The following SYCP2 variants were observed in gnomAD, a reference collection of about 807,000 sequenced individuals.
SYCP2 encodes the protein synaptonemal complex lateral element protein.
A neutral mutation model predicts 211.3 loss-of-function variants in SYCP2; 55 were observed. The observed-to-expected ratio is 0.26, with a 90% CI of 0.21 to 0.33. SYCP2 has a LOEUF of 0.33. Ranked by LOEUF, SYCP2 falls within the 10% of genes least tolerant of loss-of-function variation. The pLI is 1.00. For synonymous variants in SYCP2, 570 were observed against 555.2 expected, an observed-to-expected ratio of 1.03 and a Z score of -0.37; for missense variants, 1,731 against 1,752.0, an observed-to-expected ratio of 0.99 and a Z score of 0.21.
Position 59,875,356 on chromosome 20 carries a change from T to C in SYCP2, c.3264A>G (p.Leu1088=). The C allele has an allele frequency of 1.2e-6, 2 of 1,611,910 alleles. No individual in the cohort carries two copies. The highest frequency in any genetic ancestry group is 1.7e-6 in the Non-Finnish European group (2 of 1,178,528). ...ELSKQWKNSS[L]LKDAIRDNCL... Reference sequence around the variant, plus strand: ...AATTATCTCGTATAGCATCTTTTAGTAGAGATGAGTTTTTCCATTGTTTTG... The same window carrying C: ...AATTATCTCGTATAGCATCTTTTAGCAGAGATGAGTTTTTCCATTGTTTTG... Residue 1088 remains leucine (L), a synonymous_variant, in exon 34 of 45, where the codon CTA becomes CTG. Coordinates refer to ENST00000357552, the MANE Select transcript of SYCP2 (RefSeq NM_014258.4).
At position 59,864,345 on chromosome 20, in the gene SYCP2, A is replaced by G. The variant is rs748320296; in HGVS notation, c.4559T>C (p.Val1520Ala). The change falls in exon 45 of 45, where the codon GTA (valine) becomes GCA (alanine). Residue 1520 changes from valine (V) to alanine (A), a missense_variant. Val to Ala is a moderately conservative substitution (Grantham distance 64). Around this residue, in one of 3 missense-constraint regions of SYCP2, gnomAD observed 1,387 missense variants for 1,351.3 expected, o/e 1.03. Coordinates refer to ENST00000357552, the MANE Select transcript of SYCP2 (RefSeq NM_014258.4). ...LLNVRRELMS[V>A]FMSHERNANV ...AGCATTTCTTTCATGAGACATGAAT[A>G]CTGACATCAGTTCTCTGCGTACATT... The G allele has an allele frequency of 6.2e-7, 1 of 1,606,958 alleles. No homozygotes were observed. Among genetic ancestry groups the G allele is most frequent in the Non-Finnish European group, 8.5e-7 (1 of 1,176,692 alleles).
intron 41 of SYCP2, among the ~76,000 whole-genome samples, 176 bp from the exon 42 acceptor site, chr20:59,866,041 T>C (rs6070979): frequency 0.052 from 7,670 of 146,626 alleles, 290 homozygotes; most frequent in African/African-American, 0.12. Flanking sequence ...AGATGTCATA[T>C]GCTCTTTCAA....
At chr20:59,929,231 C>A (rs2060688815) in intron 2 of SYCP2, among the ~76,000 whole-genome samples, 1 of 152,052 alleles carries the variant, frequency 6.6e-6, no homozygotes, top group South Asian at 2.1e-4. Flanking sequence ...ACCATATTGG[C>A]AAAAACTAAA....
intron 2 of SYCP2, among the ~76,000 whole-genome samples, chr20:59,922,955 A>C (rs184388113): frequency 1.2e-4 from 18 of 152,072 alleles, no homozygotes; most frequent in Admixed American, 1.1e-3. Flanking sequence ...TCATATGTCC[A>C]CAAGAGTGTT....
In SYCP2 at chr20:59,866,276, T is replaced by A. The variant is rs768298527; in HGVS notation, c.4320+17A>T. The A allele has an allele frequency of 3.9e-5, 60 of 1,531,578 alleles. No individual in the cohort carries two copies. Among genetic ancestry groups the A allele is most frequent in the Middle Eastern group, 2.3e-4 (1 of 4,388 alleles). 94.9% of individuals were successfully genotyped at this position (1,531,578 alleles called of 1,614,324 possible). On this transcript the variant is annotated intron_variant, in intron 41 of 44. Coordinates refer to ENST00000357552, the MANE Select transcript of SYCP2 (RefSeq NM_014258.4). ...TAAGGTTTTAAACTTATTTAAAAAATTTTTAAAGTAACAAACCACAAATTC... is the reference window on the plus strand; with the variant it reads ...TAAGGTTTTAAACTTATTTAAAAAAATTTTAAAGTAACAAACCACAAATTC...
rs780036034 is a variant in SYCP2, at chr20:59,868,464, G to C, written c.3937C>G (p.Leu1313Val). The C allele has an allele frequency of 6.2e-7, 1 of 1,611,302 alleles. No individual in the cohort carries two copies. Among genetic ancestry groups the C allele is most frequent in the East Asian group, 2.2e-5 (1 of 44,736 alleles). Residue 1313 changes from leucine to valine, a missense_variant, in exon 38 of 45, where the codon CTT becomes GTT. Leu to Val is a conservative substitution (Grantham distance 32). Transcript: ENST00000357552. The stretch of plus-strand genomic sequence containing the variant: ...TCAATTTTACACAGTTTTTTGGGAA[G>C]CAAGTTTGCTCTCCTTTCTCCTTTC... ...EEKGERRANL[L>V]PKKLCKIEDA...
chr20:59,873,181 T>C (rs1211484154), intron 35 of SYCP2, among the ~76,000 whole-genome samples: 2 of 152,154 alleles, frequency 1.3e-5, no homozygotes, highest in East Asian at 3.9e-4. Flanking sequence ...CCACATACCT[T>C]ATTTTTGGTT....
chr20:59,901,644 T>C lies in SYCP2; in HGVS notation c.1182+18A>G. On this transcript the variant is annotated intron_variant, in intron 16 of 44. Coordinates refer to ENST00000357552, the MANE Select transcript of SYCP2 (RefSeq NM_014258.4). ...GAATTATGAAAATAGTAAATATTTATTAAGTTTAAAGACTTACCCTATGTT... is the reference window on the plus strand; with the variant it reads ...GAATTATGAAAATAGTAAATATTTACTAAGTTTAAAGACTTACCCTATGTT... The C allele has an allele frequency of 7.4e-7, 1 of 1,356,726 alleles. No individual in the cohort carries two copies. Among genetic ancestry groups the C allele is most frequent in the South Asian group, 1.4e-5 (1 of 71,532 alleles). The allele number at this position is 1,356,726 out of a possible 1,614,324, so 84.0% of individuals were successfully genotyped here.
At chr20:59,897,624 A>T (rs2060034535) in intron 18 of SYCP2, among the ~76,000 whole-genome samples, 1 of 152,174 alleles carries the variant, frequency 6.6e-6, no homozygotes, top group South Asian at 2.1e-4. Context: ...TCATGTGCTA[A>T]TTATCTCGGG....
At position 59,933,620 on chromosome 20, in the gene SYCP2, C is replaced by T. The variant is rs1441208805; in HGVS notation, c.-191G>A. The T allele has an allele frequency of 1.3e-5, 2 of 152,114 alleles. No individual in the cohort carries two copies. Among genetic ancestry groups the T allele is most frequent in the African/African-American group, 4.8e-5 (2 of 41,410 alleles). 9.4% of individuals were successfully genotyped at this position (152,114 alleles called of 1,614,324 possible). A position where few individuals can be genotyped will look rare whatever the true frequency, so the allele number is the denominator to read the frequency against. ...TCGGTGGAGCCGCCCCCTATGCCGC[C>T]GAGCGTCGCAACTCTGCGCCTCAGG... On this transcript the variant is annotated 5_prime_UTR_variant, in exon 1 of 45. Coordinates refer to ENST00000357552, the MANE Select transcript of SYCP2 (RefSeq NM_014258.4).
At position 59,881,478 on chromosome 20, in the gene SYCP2, T is replaced by C. The variant is rs144899572; in HGVS notation, c.2673A>G (p.Gln891=). ...CCGCACAAGCTTCTTTAGCTGTAGC[T>C]TGAAACTCTTGGATCTATATTGTAA... is the stretch of plus-strand genomic sequence containing the variant. ...PIIKLGIQEF[Q]ATAKEACADR... is the part of the protein sequence containing the mutation. The change falls in exon 29 of 45, where the codon CAA becomes CAG. Residue 891 remains glutamine, a synonymous_variant. Coordinates refer to ENST00000357552, the MANE Select transcript of SYCP2 (RefSeq NM_014258.4). 2.8e-4 allele frequency: 433 copies of C among 1,531,100 alleles called. No homozygotes were observed. The African/African-American group carries it at 5.5e-3, about 20-fold the overall frequency. 94.8% of individuals were successfully genotyped at this position (1,531,100 alleles called of 1,614,324 possible).
chr20:59,918,093 C>A (rs2060475569), intron 7 of SYCP2, among the ~76,000 whole-genome samples: 1 of 152,180 alleles, frequency 6.6e-6, no homozygotes. Flanking sequence ...ACACAGCAGT[C>A]CAATGGCAGT....
rs200604912 is a variant in SYCP2 at position 59,882,095 on chromosome 20, A to G, written c.2600T>C (p.Val867Ala). The part of the protein sequence containing the change: ...TFVNVTSECP[V>A]NDVYNFNLNG... ...GAAAAATATTACAAAAAATACTTAC[A>G]CTGGGCATTCAGAAGTAACATTAAC... Residue 867 changes from valine to alanine, a missense_variant and splice_region_variant, in exon 27 of 45, where the codon GTG becomes GCG. By Grantham distance (64) the Val-to-Ala change is moderately conservative. Transcript: ENST00000357552. 2.4e-4 allele frequency: 383 copies of G among 1,612,452 alleles called. 7 individuals carry two copies. In the South Asian group the frequency reaches 3.9e-3, roughly 17 times the overall value.
intron 26 of SYCP2, among the ~76,000 whole-genome samples, chr20:59,884,042 AAATAC>A (rs1277644248): frequency 1.3e-5 from 2 of 152,116 alleles, no homozygotes; most frequent in Admixed American, 6.6e-5. Context: ...TAAATAGTAA[AAATAC>A]AATAGAAAAT....
chr20:59,899,044 A>G (rs2060066288), intron 18 of SYCP2, among the ~76,000 whole-genome samples: 1 of 152,198 alleles, frequency 6.6e-6, no homozygotes, highest in Admixed American at 6.5e-5. Context: ...AATGCTATCA[A>G]GATACTGATA....
chr20:59,886,946 G>A, intron 24 of SYCP2, 112 bp from the exon 25 acceptor site: 1 of 740,384 alleles, frequency 1.4e-6, no homozygotes, highest in African/African-American at 1.9e-5. Context: ...CCTGCGGAGA[G>A]AAATAAAGAG....
In SYCP2 at chr20:59,914,396, T is replaced by C. The variant is rs575796826; in HGVS notation, c.635-145A>G. 9 of 443,660 alleles carry C rather than the reference T, an allele frequency of 2.0e-5. 1 individual carries two copies. The South Asian group carries it at 5.6e-4, about 27-fold the overall frequency. 27.5% of individuals were successfully genotyped at this position (443,660 alleles called of 1,614,324 possible). Reference sequence around the variant, plus strand: ...TTAATCTATTAATATTTTCTTCATATGGATTAGAAATATCTCATCATTTGA... The same window carrying C: ...TTAATCTATTAATATTTTCTTCATACGGATTAGAAATATCTCATCATTTGA... On this transcript the variant is annotated intron_variant, in intron 10 of 44. Coordinates refer to ENST00000357552, the MANE Select transcript of SYCP2 (RefSeq NM_014258.4).
intron 2 of SYCP2, among the ~76,000 whole-genome samples, chr20:59,925,683 CCT>C (rs2060621678): frequency 2.0e-5 from 3 of 151,932 alleles, no homozygotes; most frequent in Non-Finnish European, 2.9e-5. Context: ...AACGTATTGC[CCT>C]GGTAACAAGG....
rs1239121714 is a variant in SYCP2, at chr20:59,868,839, T to C, written c.3828A>G (p.Val1276=). The change falls in exon 37 of 45, where the codon GTA becomes GTG. Residue 1276 remains valine, a synonymous_variant. Transcript: ENST00000357552. ...AGCAAGACTATGACTACAAACCTGA[T>C]ACATGAGTAGCATCACAGGGCATGT... is the stretch of plus-strand genomic sequence containing the variant. The part of the protein sequence containing the change: ...WFDMPCDATH[V]SGPTQHLSRK... The C allele has an allele frequency of 6.2e-7, 1 of 1,606,514 alleles. No individual in the cohort carries two copies. Among genetic ancestry groups the C allele is most frequent in the Non-Finnish European group, 8.5e-7 (1 of 1,176,280 alleles).
Sources: allele counts gnomAD v4.1 joint callset (sites outside exome capture counted in the v4.1 genomes callset), GRCh38; gene constraint gnomAD v4.1.1; regional missense constraint gnomAD v4.1.1; transcripts MANE v1.5; gene names NCBI Gene and HGNC (gene_info 2026-07-23, HGNC 2026-07-21).